The following CDH8 variants were observed in gnomAD, a reference collection of about 807,000 sequenced individuals.
The protein encoded by CDH8 is cadherin-8.
CDH8 carries 17 observed loss-of-function variants against 68.1 expected under a neutral mutation model. The observed-to-expected ratio is 0.25, with a 90% CI of 0.17 to 0.37. The LOEUF (loss-of-function observed/expected upper bound fraction) is 0.37. CDH8 is among the 10% of genes least tolerant of loss of function. The pLI, the probability that CDH8 is intolerant of heterozygous loss-of-function variation, is 1.00. For missense variants in CDH8, 763 were observed against 999.3 expected, an observed-to-expected ratio of 0.76 and a Z score of 3.19; for synonymous variants, 372 against 365.1, an observed-to-expected ratio of 1.02 and a Z score of -0.21.
intron 2 of CDH8, among the ~76,000 whole-genome samples, chr16:62,011,078 A>C (rs2150604228): frequency 6.6e-6 from 1 of 151,780 alleles, no homozygotes; most frequent in South Asian, 2.1e-4. Flanking sequence ...GGTTATTCTT[A>C]GGATTAGGGA....
chr16:61,706,538 G>C (rs1003525547), intron 10 of CDH8, among the ~76,000 whole-genome samples: 1 of 149,790 alleles, frequency 6.7e-6, no homozygotes, highest in East Asian at 2.0e-4. Flanking sequence ...GGAGAATGGC[G>C]TGAACGCCGG....
intron 3 of CDH8, among the ~76,000 whole-genome samples, chr16:61,894,636 C>T (rs541226170): frequency 6.6e-6 from 1 of 152,012 alleles, no homozygotes; most frequent in Non-Finnish European, 1.5e-5. Flanking sequence ...TCAAAGATAA[C>T]AAAATAGCAC....
chr16:61,879,218 A>G (rs1963523456), intron 3 of CDH8, among the ~76,000 whole-genome samples: 1 of 152,206 alleles, frequency 6.6e-6, no homozygotes, highest in South Asian at 2.1e-4. Context: ...TTGAATCATC[A>G]AGTAAAAGAA....
chr16:61,709,963 C>G (rs918315337), intron 10 of CDH8, among the ~76,000 whole-genome samples: 1 of 152,078 alleles, frequency 6.6e-6, no homozygotes, highest in Admixed American at 6.6e-5. Flanking sequence ...AAGCCACGTT[C>G]AAAATCACTG....
rs1247797715 is a variant in CDH8, at chr16:61,651,054, T to A, written c.*2554A>T. ...GATTACCAATATTTGAGGATACAGA[T>A]TTTATACTCCTTAAAAAATACTGTA... On this transcript the variant is annotated 3_prime_UTR_variant, in exon 12 of 12. Transcript: ENST00000577390. 6.6e-6 allele frequency: 1 copy of A among 152,138 alleles called. No individual in the cohort carries two copies. The highest frequency in any genetic ancestry group is 2.4e-5 in the African/African-American group (1 of 41,438). 9.4% of individuals were successfully genotyped at this position (152,138 alleles called of 1,614,324 possible). A position where few individuals can be genotyped will look rare whatever the true frequency, so the allele number is the denominator to read the frequency against.
intron 2 of CDH8, among the ~76,000 whole-genome samples, chr16:62,002,946 G>A (rs1320166730): frequency 6.6e-6 from 1 of 152,116 alleles, no homozygotes; most frequent in Non-Finnish European, 1.5e-5. Flanking sequence ...CCAACTACTC[G>A]GGAAGCTGAG....
chr16:62,032,391 A>G (rs1902348510), intron 1 of CDH8, among the ~76,000 whole-genome samples: 1 of 152,068 alleles, frequency 6.6e-6, no homozygotes, highest in African/African-American at 2.4e-5. Context: ...AAGAATTATC[A>G]TTGGTTTATC....
chr16:61,770,870 T>C (rs1173243778), intron 8 of CDH8, among the ~76,000 whole-genome samples: 1 of 151,948 alleles, frequency 6.6e-6, no homozygotes, highest in African/African-American at 2.4e-5. Flanking sequence ...GTGCCTAGGA[T>C]AGGTGGGCAA....
chr16:61,808,109 C>G (rs188960100), intron 7 of CDH8, among the ~76,000 whole-genome samples: 1 of 152,048 alleles, frequency 6.6e-6, no homozygotes, highest in Admixed American at 6.6e-5. Flanking sequence ...TTGCTGAAAA[C>G]CTAGTGTCAT....
intron 10 of CDH8, among the ~76,000 whole-genome samples, chr16:61,662,450 A>T (rs1172506926): frequency 6.6e-6 from 1 of 151,804 alleles, no homozygotes; most frequent in East Asian, 1.9e-4. Context: ...AAAGAGAGGA[A>T]ATGATCACTG....
chr16:61,882,731 G>A (rs1445248572), intron 3 of CDH8, among the ~76,000 whole-genome samples: 2 of 152,132 alleles, frequency 1.3e-5, no homozygotes, highest in Non-Finnish European at 2.9e-5. Flanking sequence ...GAGGGTGAAG[G>A]GTGGGAAGAA....
intron 10 of CDH8, chr16:61,693,176 C>T (rs989863510): frequency 1.3e-5 from 2 of 152,060 alleles, no homozygotes; most frequent in Non-Finnish European, 2.9e-5. Flanking sequence ...TAGGGCTTAC[C>T]GGGTTAAAAA....
chr16:61,841,009 TA>T (rs1418700421), intron 4 of CDH8, among the ~76,000 whole-genome samples: 18 of 151,902 alleles, frequency 1.2e-4, no homozygotes, highest in African/African-American at 4.4e-4. Context: ...TTAAATAAAA[TA>T]AAATAATGTA....
chr16:61,768,369 C>CTCTCT (rs1567461189), intron 8 of CDH8, among the ~76,000 whole-genome samples: 1 of 23,546 alleles, frequency 4.2e-5, no homozygotes, highest in Non-Finnish European at 7.8e-5. Context: ...TCTCTCTCTC[C>CTCTCT]CTTTCTCTCT....
At position 61,652,823 on chromosome 16, in the gene CDH8, A is replaced by G. The variant is rs1472786090; in HGVS notation, c.*785T>C. Reference sequence around the variant, plus strand: ...CAATAAAACCATCTGTCTCTTATGTAGTCCACTGTGTGATACAGTTTATCT... The same window carrying G: ...CAATAAAACCATCTGTCTCTTATGTGGTCCACTGTGTGATACAGTTTATCT... On this transcript the variant is annotated 3_prime_UTR_variant, in exon 12 of 12. Transcript: ENST00000577390. 2.0e-6 allele frequency: 3 copies of G among 1,480,922 alleles called. No homozygotes were observed. The highest frequency in any genetic ancestry group is 2.7e-6 in the Non-Finnish European group (3 of 1,118,588). The allele number at this position is 1,480,922 out of a possible 1,614,324, so 91.7% of individuals were successfully genotyped here. A position where few individuals can be genotyped will look rare whatever the true frequency, so the allele number is the denominator to read the frequency against.
At chr16:61,790,844 C>A (rs1037341405) in intron 7 of CDH8, among the ~76,000 whole-genome samples, 21 of 151,656 alleles carry the variant, frequency 1.4e-4, no homozygotes, top group Admixed American at 1.1e-3. Flanking sequence ...AACTATACAG[C>A]AAGTTACTAG....
chr16:61,902,740 A>C (rs1018103195), intron 2 of CDH8, among the ~76,000 whole-genome samples: 2 of 152,198 alleles, frequency 1.3e-5, no homozygotes, highest in Non-Finnish European at 2.9e-5. Flanking sequence ...GCTTATAAAA[A>C]AGACATAAAA....
chr16:61,747,470 C>A (rs1037633304), intron 8 of CDH8, among the ~76,000 whole-genome samples: 2 of 152,026 alleles, frequency 1.3e-5, no homozygotes, highest in African/African-American at 4.8e-5. Flanking sequence ...AGTTAATAAA[C>A]TAATCTTGGA....
chr16:61,768,103 A>T (rs1022655040), intron 8 of CDH8, among the ~76,000 whole-genome samples: 1 of 151,520 alleles, frequency 6.6e-6, no homozygotes, highest in Non-Finnish European at 1.5e-5. Flanking sequence ...TATGGTTGTT[A>T]TTATTGTTAT....
Sources: allele counts gnomAD v4.1 joint callset (sites outside exome capture counted in the v4.1 genomes callset), GRCh38; gene constraint gnomAD v4.1.1; transcripts MANE v1.5; gene names NCBI Gene and HGNC (gene_info 2026-07-23, HGNC 2026-07-21).